MTUS2: variants seen among roughly 807,000 people sequenced by gnomAD.
The protein encoded by MTUS2 is microtubule associated scaffold protein 2, also known as microtubule-associated tumor suppressor candidate 2.
A neutral mutation model predicts 114.1 loss-of-function variants in MTUS2; 40 were observed. That is an observed-to-expected ratio of 0.35 (90% confidence interval 0.27 to 0.46). MTUS2 has a LOEUF of 0.46. MTUS2 is among the 20% of genes least tolerant of loss of function. The pLI is 1.00. For synonymous variants in MTUS2, 688 were observed against 672.0 expected, an observed-to-expected ratio of 1.02 and a Z score of -0.37; for missense variants, 1,679 against 1,705.4, an observed-to-expected ratio of 0.98 and a Z score of 0.27.
At chr13:29,116,001 T>C (rs1449689822) in intron 5 of MTUS2, among the ~76,000 whole-genome samples, 3 of 152,246 alleles carry the variant, frequency 2.0e-5, no homozygotes, top group African/African-American at 7.2e-5. Context: ...GGATTGTTGC[T>C]GAGTCTTTAC....
At chr13:28,873,576 G>A (rs1330622948) in intron 2 of MTUS2, among the ~76,000 whole-genome samples, 1 of 152,230 alleles carries the variant, frequency 6.6e-6, no homozygotes, top group Admixed American at 6.5e-5. Context: ...TCCTGTCAGT[G>A]TCTTGTATCC....
At chr13:28,899,956 C>T (rs1273805470) in intron 2 of MTUS2, among the ~76,000 whole-genome samples, 1 of 152,044 alleles carries the variant, frequency 6.6e-6, no homozygotes, top group African/African-American at 2.4e-5. Flanking sequence ...GGCAGGATCT[C>T]GACTCACTGC....
intron 2 of MTUS2, among the ~76,000 whole-genome samples, chr13:28,896,923 A>C (rs1879309262): frequency 6.6e-6 from 1 of 152,226 alleles, no homozygotes; most frequent in Non-Finnish European, 1.5e-5. Context: ...TAAGACTTAC[A>C]TGTTAGACCT....
chr13:29,428,812 A>G (rs1203703011), intron 8 of MTUS2: 2 of 1,613,458 alleles, frequency 1.2e-6, no homozygotes, highest in Admixed American at 3.3e-5. Context: ...CCTTGAATGA[A>G]GGAGGTCCCC....
At chr13:29,030,806 G>C (rs1399374009) in intron 3 of MTUS2, among the ~76,000 whole-genome samples, 1 of 152,132 alleles carries the variant, frequency 6.6e-6, no homozygotes, top group Non-Finnish European at 1.5e-5. Context: ...CTTATCGACA[G>C]ATCCCTGCTG....
chr13:29,057,318 T>C (rs529502236), intron 4 of MTUS2, among the ~76,000 whole-genome samples: 2 of 152,218 alleles, frequency 1.3e-5, no homozygotes, highest in East Asian at 3.9e-4. Flanking sequence ...GCCCATTCAG[T>C]CAAATAATTG....
chr13:28,869,699 A>C (rs1441891809), intron 2 of MTUS2, among the ~76,000 whole-genome samples: 1 of 152,200 alleles, frequency 6.6e-6, no homozygotes, highest in Admixed American at 6.5e-5. Context: ...TGAACCTGGA[A>C]GGTGGAGGTT....
chr13:28,878,652 G>T (rs1470741153), intron 2 of MTUS2, among the ~76,000 whole-genome samples: 1 of 152,188 alleles, frequency 6.6e-6, no homozygotes, highest in Non-Finnish European at 1.5e-5. Context: ...CCCTGCAAAA[G>T]ACATGATCTC....
At chr13:28,967,071 G>T (rs1005487607) in intron 2 of MTUS2, among the ~76,000 whole-genome samples, 10 of 152,178 alleles carry the variant, frequency 6.6e-5, no homozygotes, top group Non-Finnish European at 1.0e-4. Flanking sequence ...TCATGAAACT[G>T]CCTACAAGAC....
rs1882509062 is a variant in MTUS2 at position 29,495,735 on chromosome 13, G to T, written c.3580-1503G>T. On this transcript the variant is annotated intron_variant, in intron 12 of 15. Coordinates refer to ENST00000612955, the MANE Select transcript of MTUS2 (RefSeq NM_001033602.4). Reference sequence around the variant, plus strand: ...AAAATACAAACATTAGCTGGGTGTGGTGGTGCACGCCTGTAGTCCCAGCTA... The same window carrying T: ...AAAATACAAACATTAGCTGGGTGTGTTGGTGCACGCCTGTAGTCCCAGCTA... Among the ~76,000 whole-genome samples, 2 of 152,050 alleles carry T rather than the reference G, an allele frequency of 1.3e-5. 1 individual carries two copies. Among genetic ancestry groups the T allele is most frequent in the South Asian group, 4.1e-4 (2 of 4,822 alleles).
chr13:29,239,977 C>T, intron 5 of MTUS2: 1 of 151,790 alleles, frequency 6.6e-6, no homozygotes, highest in African/African-American at 2.4e-5. Context: ...AAAACAACAA[C>T]CCAGAAACTG....
At chr13:29,092,884 G>C (rs1167166219) in intron 4 of MTUS2, among the ~76,000 whole-genome samples, 1 of 152,202 alleles carries the variant, frequency 6.6e-6, no homozygotes, top group Non-Finnish European at 1.5e-5. Context: ...CATTTGAAAT[G>C]GCTTGAGAGC....
chr13:29,292,976 G>A (rs1160932673), intron 6 of MTUS2, among the ~76,000 whole-genome samples: 3 of 152,082 alleles, frequency 2.0e-5, no homozygotes, highest in Non-Finnish European at 4.4e-5. Flanking sequence ...GTTGTATTGA[G>A]CAACATAATT....
At chr13:29,000,511 C>T (rs4505164) in intron 2 of MTUS2, among the ~76,000 whole-genome samples, 2,781 of 152,104 alleles carry the variant, frequency 0.018, 86 homozygotes, top group African/African-American at 0.063. Context: ...TATAGGTGCA[C>T]GCCACCACAC....
At chr13:29,183,566 A>G (rs1894097445) in intron 5 of MTUS2, among the ~76,000 whole-genome samples, 1 of 152,188 alleles carries the variant, frequency 6.6e-6, no homozygotes, top group Non-Finnish European at 1.5e-5. Context: ...ATAAGACTGG[A>G]AAGATCACCA....
chr13:29,449,104 T>C (rs1878499731), intron 9 of MTUS2, among the ~76,000 whole-genome samples: 1 of 152,122 alleles, frequency 6.6e-6, no homozygotes, highest in African/African-American at 2.4e-5. Flanking sequence ...GAAATCCAAA[T>C]AGTTAAATCC....
chr13:29,322,940 T>G (rs1421596544), intron 6 of MTUS2, among the ~76,000 whole-genome samples: 2 of 152,176 alleles, frequency 1.3e-5, no homozygotes, highest in Non-Finnish European at 1.5e-5. Context: ...ATGAATCGAT[T>G]AAATGATTGA....
Position 29,354,681 on chromosome 13 carries a change from G to A in MTUS2, c.2906-4581G>A, listed in dbSNP as rs563862539. On this transcript the variant is annotated intron_variant, in intron 7 of 15. Coordinates refer to ENST00000612955, the MANE Select transcript of MTUS2 (RefSeq NM_001033602.4). ...TGCCCAAATTTGTAATTTCTGCCCC[G>A]ACCTGTACTTAAGACCAGCTGGAAG... Among the ~76,000 whole-genome samples the A allele has an allele frequency of 2.6e-5, 4 of 152,154 alleles. No individual in the cohort carries two copies. The East Asian group carries it at 5.8e-4, about 22-fold the overall frequency.
chr13:28,975,222 C>T (rs919855134), intron 2 of MTUS2, among the ~76,000 whole-genome samples: 6 of 152,146 alleles, frequency 3.9e-5, no homozygotes, highest in Non-Finnish European at 7.3e-5. Context: ...CCTTTCCATC[C>T]CTAGCAGCCA....
Sources: allele counts gnomAD v4.1 joint callset (sites outside exome capture counted in the v4.1 genomes callset), GRCh38; gene constraint gnomAD v4.1.1; transcripts MANE v1.5; gene names NCBI Gene and HGNC (gene_info 2026-07-23, HGNC 2026-07-21).